Variants in EBF3 observed in about 807,000 individuals in gnomAD.
The protein encoded by EBF3 is EBF transcription factor 3.
Under a neutral mutation model 77.1 loss-of-function variants are expected in EBF3, and 18 were observed. The ratio of observed to expected loss-of-function variants is 0.23; its 90% CI spans 0.16 to 0.35. The LOEUF is 0.35. Ranked by LOEUF, EBF3 falls within the 10% of genes least tolerant of loss-of-function variation. The pLI, the probability that EBF3 is intolerant of heterozygous loss-of-function variation, is 1.00. For synonymous variants in EBF3, 350 were observed against 343.5 expected (o/e 1.02, Z -0.21); for missense variants, 558 against 860.0 (o/e 0.65, Z 4.39).
At chr10:129,852,414 C>T (rs191741146) in intron 10 of EBF3, among the ~76,000 whole-genome samples, 182 of 152,280 alleles carry the variant, frequency 1.2e-3, no homozygotes, top group Non-Finnish European at 2.0e-3. Flanking sequence ...TGGCATCAGG[C>T]GCTGAGCTGC....
rs1318802927 is a variant in EBF3 at position 129,947,657 on chromosome 10, C to A, written c.554+9601G>T. On this transcript the variant is annotated intron_variant, in intron 6 of 16. Transcript: ENST00000440978. This position sits in a 1 kb window ranked among gnomAD's most constrained non-coding sequence, Gnocchi z 4.5. ...ATATAAAGTTAAAATGTTTTCATTT[C>A]TTTCTTTGCAAAGGAACCAAATGCT... Among the ~76,000 whole-genome samples, 1 of 149,134 alleles carries A rather than the reference C, an allele frequency of 6.7e-6. No individual in the cohort carries two copies. Among genetic ancestry groups the A allele is most frequent in the Non-Finnish European group, 1.5e-5 (1 of 67,440 alleles).
chr10:129,866,459 A>G (rs1370039243), intron 10 of EBF3, among the ~76,000 whole-genome samples: 1 of 152,226 alleles, frequency 6.6e-6, no homozygotes, highest in Non-Finnish European at 1.5e-5. Context: ...AATCCCGAAC[A>G]AGTGGGGCTA....
At chr10:129,924,804 C>A (rs1302653599) in intron 6 of EBF3, among the ~76,000 whole-genome samples, 2 of 152,064 alleles carry the variant, frequency 1.3e-5, no homozygotes, top group Non-Finnish European at 2.9e-5. Flanking sequence ...GTAGCTGTGA[C>A]CACAGGCATG....
chr10:129,909,605 T>G (rs764009105), intron 6 of EBF3, among the ~76,000 whole-genome samples: 1 of 152,130 alleles, frequency 6.6e-6, no homozygotes, highest in South Asian at 2.1e-4. Context: ...TGTGACAAAC[T>G]CTGGAAGTCA....
intron 10 of EBF3, among the ~76,000 whole-genome samples, chr10:129,856,051 C>T (rs1017072473): frequency 2.0e-5 from 3 of 152,302 alleles, no homozygotes; most frequent in South Asian, 2.1e-4. Context: ...TGGGGACGTT[C>T]CCAGCCACCC....
chr10:129,935,652 C>T lies in EBF3; in HGVS notation c.554+21606G>A, dbSNP rs1857308637. 6.6e-6 allele frequency among the ~76,000 whole-genome samples: 1 copy of T among 152,232 alleles called. No individual in the cohort carries two copies. The highest frequency in any genetic ancestry group is 2.1e-4 in the South Asian group (1 of 4,836). ...GCTCATCCAGAGCCCAGAGCCTGGG[C>T]GTCCAGGGCACAGACAGCTCTCAGC... On this transcript the variant is annotated intron_variant, in intron 6 of 16. Coordinates refer to ENST00000440978, the MANE Select transcript of EBF3 (RefSeq NM_001375380.1). This position sits in a 1 kb window ranked among gnomAD's most constrained non-coding sequence, Gnocchi z 4.2.
At chr10:129,886,484 C>T (rs553745373) in intron 6 of EBF3, among the ~76,000 whole-genome samples, 6 of 152,204 alleles carry the variant, frequency 3.9e-5, no homozygotes, top group Non-Finnish European at 7.3e-5. Context: ...TCTTCACCTC[C>T]CTTTGTTGAT....
intron 15 of EBF3, 50 bp downstream of exon 15, chr10:129,840,195 C>T: frequency 1.3e-6 from 2 of 1,499,596 alleles, no homozygotes; most frequent in South Asian, 1.2e-5. Flanking sequence ...CTCCCATCCC[C>T]ACCCCTGGAG....
At chr10:129,840,508 A>G (rs936861878) in intron 14 of EBF3, 66 bp from the exon 15 acceptor site, 323 of 1,508,296 alleles carry the variant, frequency 2.1e-4, no homozygotes, top group Non-Finnish European at 2.8e-4. Context: ...GAGGGCACCA[A>G]AGGCCTCGCC....
intron 6 of EBF3, among the ~76,000 whole-genome samples, chr10:129,924,172 C>T (rs1279372656): frequency 6.6e-6 from 1 of 152,056 alleles, no homozygotes; most frequent in African/African-American, 2.4e-5. Context: ...CTCAGCACTT[C>T]GGGAGGCCAA....
intron 6 of EBF3, among the ~76,000 whole-genome samples, chr10:129,933,552 G>A (rs911131423): frequency 6.6e-6 from 1 of 152,204 alleles, no homozygotes; most frequent in Non-Finnish European, 1.5e-5. Flanking sequence ...CTCGGAAGCC[G>A]CTGAGGCTCA....
chr10:129,946,933 G>T (rs1858270695), intron 6 of EBF3, among the ~76,000 whole-genome samples: 1 of 152,158 alleles, frequency 6.6e-6, no homozygotes, highest in African/African-American at 2.4e-5. Context: ...ACTTTCCCAG[G>T]TCCTTCCACC....
intron 10 of EBF3, among the ~76,000 whole-genome samples, chr10:129,852,220 T>C (rs1321043295): frequency 6.6e-6 from 1 of 152,214 alleles, no homozygotes; most frequent in Non-Finnish European, 1.5e-5. Flanking sequence ...TATTTAAATA[T>C]ATTTGAGTGT....
intron 6 of EBF3, among the ~76,000 whole-genome samples, chr10:129,914,076 A>G (rs967360652): frequency 7.2e-5 from 11 of 152,170 alleles, no homozygotes; most frequent in African/African-American, 2.4e-4. Flanking sequence ...TGAGATCCCA[A>G]TGTAAAAATC....
At chr10:129,894,195 C>A (rs968167681) in intron 6 of EBF3, among the ~76,000 whole-genome samples, 1 of 152,166 alleles carries the variant, frequency 6.6e-6, no homozygotes, top group African/African-American at 2.4e-5. Context: ...GTGTCTCCTG[C>A]GCAGAACTTT....
At chr10:129,960,646 T>TG in intron 4 of EBF3, among the ~76,000 whole-genome samples, 1 of 135,304 alleles carries the variant, frequency 7.4e-6, no homozygotes, top group East Asian at 2.1e-4. Context: ...TTTTTTTTTT[T>TG]TGCCCCTCCA....
At chr10:129,920,273 G>A (rs75240680) in intron 6 of EBF3, among the ~76,000 whole-genome samples, 6 of 90,788 alleles carry the variant, frequency 6.6e-5, no homozygotes, top group African/African-American at 2.6e-4. Context: ...AGTCTAGGGC[G>A]AGTATCTCCA....
At chr10:129,930,342 T>C (rs891752804) in intron 6 of EBF3, among the ~76,000 whole-genome samples, 2 of 152,082 alleles carry the variant, frequency 1.3e-5, no homozygotes, top group Admixed American at 6.5e-5. Flanking sequence ...TCTATATCTG[T>C]CTATATCTAT....
chr10:129,904,730 C>CTCTA (rs930566157), intron 6 of EBF3, among the ~76,000 whole-genome samples: 1 of 132,736 alleles, frequency 7.5e-6, no homozygotes. Flanking sequence ...ATATAGATCT[C>CTCTA]TCTATCCATC....
Sources: allele counts gnomAD v4.1 joint callset (sites outside exome capture counted in the v4.1 genomes callset), GRCh38; gene constraint gnomAD v4.1.1; non-coding constraint Gnocchi (gnomAD v3.1); transcripts MANE v1.5; gene names NCBI Gene and HGNC (gene_info 2026-07-23, HGNC 2026-07-21).